Variants in PLCB1 observed in about 807,000 individuals in gnomAD.
The protein encoded by PLCB1 is phospholipase C beta 1, also known as 1-phosphatidylinositol 4,5-bisphosphate phosphodiesterase beta-1.
In PLCB1, 46 loss-of-function variants were observed where a neutral mutation model predicts 161.8. The observed-to-expected ratio is 0.28, with a 90% CI of 0.22 to 0.36. PLCB1 has a LOEUF of 0.36. Ranked by LOEUF, PLCB1 falls within the 10% of genes least tolerant of loss-of-function variation. PLCB1 has a pLI of 1.00. For synonymous variants in PLCB1, 517 were observed against 503.7 expected (o/e 1.03, Z -0.35); for missense variants, 1,016 against 1,472.5 (o/e 0.69, Z 5.07).
At chr20:8,834,413 ATGTATG>A (rs1312631636) in intron 31 of PLCB1, among the ~76,000 whole-genome samples, 3 of 151,912 alleles carry the variant, frequency 2.0e-5, no homozygotes, top group African/African-American at 4.8e-5. Context: ...ACCCTTACAT[ATGTATG>A]TGTATGTGTA....
At chr20:8,136,543 G>A (rs549054334) in intron 1 of PLCB1, among the ~76,000 whole-genome samples, 208 of 151,626 alleles carry the variant, frequency 1.4e-3, no homozygotes, top group African/African-American at 4.8e-3. Context: ...GGAGAATGGC[G>A]TGAACCTGGG....
intron 19 of PLCB1, among the ~76,000 whole-genome samples, chr20:8,734,723 T>C (rs1291564635): frequency 6.6e-6 from 1 of 152,134 alleles, no homozygotes; most frequent in Non-Finnish European, 1.5e-5. Flanking sequence ...ACATTTTACA[T>C]GGATTCTTCA....
Position 8,708,689 on chromosome 20 carries a change from C to A in PLCB1, c.1187C>A (p.Ala396Glu). The A allele has an allele frequency of 6.2e-7, 1 of 1,611,914 alleles. No individual in the cohort carries two copies. Among genetic ancestry groups the A allele is most frequent in the Non-Finnish European group, 8.5e-7 (1 of 1,178,212 alleles). Reference protein sequence around the residue: ...ISFKEVIEAIAECAFKTSPFP... With the variant: ...ISFKEVIEAIEECAFKTSPFP... ...TTTTAGGAAGTGATAGAAGCAATTG[C>A]GGAGTGTGCATTTAAGACTTCACCT... The change falls in exon 12 of 32, where the codon GCG becomes GAG. Residue 396 changes from alanine (A) to glutamate (E), a missense_variant. By Grantham distance (107) the Ala-to-Glu change is moderately radical. This residue lies in a region of PLCB1 where 56 missense variants were observed against 126.3 expected (regional missense o/e 0.44). Transcript: ENST00000338037.
intron 3 of PLCB1, among the ~76,000 whole-genome samples, chr20:8,559,592 T>C (rs1289824999): frequency 2.6e-5 from 4 of 151,950 alleles, no homozygotes; most frequent in Non-Finnish European, 2.9e-5. Context: ...GCTCCAAAGA[T>C]ACAAACAGGT....
In PLCB1 at chr20:8,647,963, G is replaced by C; in HGVS notation, c.518+10G>C. 6.5e-7 allele frequency: 1 copy of C among 1,541,362 alleles called. No individual in the cohort carries two copies. The highest frequency in any genetic ancestry group is 8.8e-7 in the Non-Finnish European group (1 of 1,141,488). On this transcript the variant is annotated intron_variant, in intron 6 of 31. Transcript: ENST00000338037. ...GTATTCCTCTCAAAAAGTAAGCTTT[G>C]TGAGCATTTCTCATTATTCATTTTA...
intron 2 of PLCB1, among the ~76,000 whole-genome samples, chr20:8,166,499 G>GA (rs1359616656): frequency 6.6e-6 from 1 of 152,028 alleles, no homozygotes; most frequent in African/African-American, 2.4e-5. Context: ...ACATGTTAGG[G>GA]AATCTCACCT....
At chr20:8,250,919 G>A (rs1200556601) in intron 2 of PLCB1, among the ~76,000 whole-genome samples, 1 of 151,900 alleles carries the variant, frequency 6.6e-6, no homozygotes, top group African/African-American at 2.4e-5. Context: ...AAACAACATA[G>A]GAGACATAAG....
chr20:8,655,264 C>T (rs567501629), intron 7 of PLCB1, among the ~76,000 whole-genome samples: 2 of 152,234 alleles, frequency 1.3e-5, no homozygotes, highest in African/African-American at 4.8e-5. Flanking sequence ...GAAATAACAG[C>T]ACATGCGTGC....
At chr20:8,549,861 C>T (rs960537695) in intron 3 of PLCB1, among the ~76,000 whole-genome samples, 1 of 152,148 alleles carries the variant, frequency 6.6e-6, no homozygotes, top group African/African-American at 2.4e-5. Flanking sequence ...CATGAGCCAC[C>T]ACACCCGCGG....
At chr20:8,862,247 G>A (rs760319283) in intron 31 of PLCB1, among the ~76,000 whole-genome samples, 19 of 152,128 alleles carry the variant, frequency 1.2e-4, no homozygotes, top group Non-Finnish European at 2.5e-4. Context: ...TTGACAACCT[G>A]TTCTTTCACT....
chr20:8,143,671 G>A (rs963968967), intron 1 of PLCB1, among the ~76,000 whole-genome samples: 3 of 152,204 alleles, frequency 2.0e-5, no homozygotes, highest in African/African-American at 7.2e-5. Flanking sequence ...GTGTCAGGTG[G>A]AGGGAACAGC....
At chr20:8,607,881 AAGTT>A (rs1987802668) in intron 3 of PLCB1, among the ~76,000 whole-genome samples, 1 of 152,248 alleles carries the variant, frequency 6.6e-6, no homozygotes. Context: ...GAATTTTTAA[AAGTT>A]AGATATAAAA....
At position 8,304,853 on chromosome 20, in the gene PLCB1, C is replaced by G. The variant is rs192237647; in HGVS notation, c.178-66529C>G. ...CAGAGAGATTAAGAAACTTGCTCAC[C>G]AGGATCTGAATCCACTATTCCACAC... On this transcript the variant is annotated intron_variant, in intron 2 of 31. Coordinates refer to ENST00000338037, the MANE Select transcript of PLCB1 (RefSeq NM_015192.4). Among the ~76,000 whole-genome samples, 309 of 152,128 alleles carry G rather than the reference C, an allele frequency of 2.0e-3. 1 individual carries two copies. The highest frequency in any genetic ancestry group is 7.1e-3 in the African/African-American group (295 of 41,500).
At chr20:8,879,452 A>G (rs540911071) in intron 31 of PLCB1, among the ~76,000 whole-genome samples, 15 of 152,270 alleles carry the variant, frequency 9.9e-5, no homozygotes, top group African/African-American at 3.4e-4. Context: ...GACCTGAGTA[A>G]TCCTCAAAAT....
At chr20:8,181,248 C>CAAAAAAAA (rs60871672) in intron 2 of PLCB1, among the ~76,000 whole-genome samples, 4 of 81,306 alleles carry the variant, frequency 4.9e-5, no homozygotes, top group Admixed American at 1.4e-4. Flanking sequence ...GACTCTGTCT[C>CAAAAAAAA]AAAAAAAAAA....
chr20:8,358,793 C>T (rs1357900317), intron 2 of PLCB1, among the ~76,000 whole-genome samples: 2 of 152,218 alleles, frequency 1.3e-5, no homozygotes, highest in Non-Finnish European at 2.9e-5. Context: ...CACTAACATT[C>T]TCTTGCCTTA....
intron 3 of PLCB1, among the ~76,000 whole-genome samples, chr20:8,519,599 A>G (rs988216870): frequency 6.6e-6 from 1 of 152,132 alleles, no homozygotes; most frequent in Non-Finnish European, 1.5e-5. Flanking sequence ...TCCATTTTGT[A>G]TAATTGCCTA....
At chr20:8,453,088 A>G (rs2122654045) in intron 3 of PLCB1, among the ~76,000 whole-genome samples, 1 of 152,306 alleles carries the variant, frequency 6.6e-6, no homozygotes, top group East Asian at 1.9e-4. Flanking sequence ...TGTGAATGTG[A>G]TAACTCAACT....
At chr20:8,678,187 T>C (rs919234552) in intron 9 of PLCB1, among the ~76,000 whole-genome samples, 5 of 152,140 alleles carry the variant, frequency 3.3e-5, no homozygotes, top group Non-Finnish European at 7.4e-5. Flanking sequence ...AAATTGTGCA[T>C]GAAGATAAAA....
Sources: gnomAD v4.1 joint callset for allele counts (sites outside exome capture counted in the v4.1 genomes callset) on GRCh38, gnomAD v4.1.1 for gene constraint, gnomAD v4.1.1 regional missense constraint, MANE v1.5 for transcripts, NCBI Gene and HGNC (gene_info 2026-07-23, HGNC 2026-07-21) for gene names.